AAMP: variants seen among roughly 807,000 people sequenced by gnomAD.
AAMP encodes the protein angio associated migratory cell protein, also known as angio-associated migratory cell protein.
Under a neutral mutation model 51.1 loss-of-function variants are expected in AAMP, and 12 were observed. The observed-to-expected ratio is 0.23, with a 90% CI of 0.15 to 0.38. AAMP has a LOEUF of 0.38. AAMP is among the 10% of genes least tolerant of loss of function. AAMP has a pLI of 1.00. For synonymous variants in AAMP, 210 were observed against 218.7 expected (o/e 0.96, Z 0.35); for missense variants, 418 against 557.2 (o/e 0.75, Z 2.52).
At chr2:218,269,836 GGGGGAGGA>G in intron 1 of AAMP, 122 bp downstream of exon 1, 1 of 1,404,646 alleles carries the variant, frequency 7.1e-7, no homozygotes, top group Non-Finnish European at 9.8e-7. Context: ...GGGTGGGAGT[GGGGGAGGA>G]GGGGAAGAGG....
Position 218,266,509 on chromosome 2 carries a change from T to C in AAMP, c.613A>G (p.Asn205Asp). 2 of 1,613,952 alleles carry C rather than the reference T, an allele frequency of 1.2e-6. No individual in the cohort carries two copies. Among genetic ancestry groups the C allele is most frequent in the Non-Finnish European group, 1.7e-6 (2 of 1,179,984 alleles). The change falls in exon 5 of 11, where the codon AAT becomes GAT. Residue 205 changes from asparagine (N) to aspartate (D), a missense_variant. Coordinates refer to ENST00000248450, the MANE Select transcript of AAMP (RefSeq NM_001087.5). This position sits in a 1 kb window ranked among gnomAD's most constrained non-coding sequence, Gnocchi z 4.7. Reference sequence around the variant, plus strand: ...CCCTGGAAGGTCTTGCAGTCACCATTCGGGACTTTCCACATCCAGGTGTTG... The same window carrying C: ...CCCTGGAAGGTCTTGCAGTCACCATCCGGGACTTTCCACATCCAGGTGTTG... The part of the protein sequence containing the change: ...DGNTWMWKVP[N>D]GDCKTFQGPN...
rs528188094 is a variant in AAMP, at chr2:218,264,163, C to T, written c.*370G>A. 24 of 342,684 alleles carry T rather than the reference C, an allele frequency of 7.0e-5. No individual in the cohort carries two copies. Among genetic ancestry groups the T allele is most frequent in the African/African-American group, 4.7e-4 (23 of 48,674 alleles). The allele number at this position is 342,684 out of a possible 1,614,324, so 21.2% of individuals were successfully genotyped here. A position where few individuals can be genotyped will look rare whatever the true frequency, so the allele number is the denominator to read the frequency against. On this transcript the variant is annotated 3_prime_UTR_variant, in exon 11 of 11. Transcript: ENST00000248450. Reference sequence around the variant, plus strand: ...TATATTTTATTTACATTTTTAAAATCTTTAACTAGTATCTCTTCCTCCTTT... The same window carrying T: ...TATATTTTATTTACATTTTTAAAATTTTTAACTAGTATCTCTTCCTCCTTT...
intron 10 of AAMP, 106 bp downstream of exon 10, chr2:218,264,914 C>T: frequency 1.3e-6 from 2 of 1,544,424 alleles, no homozygotes; most frequent in Non-Finnish European, 1.8e-6. Flanking sequence ...TCTCTGCATT[C>T]CTGCCTTAGG....
In AAMP at chr2:218,266,664, A is replaced by G; in HGVS notation, c.535-77T>C. The G allele has an allele frequency of 6.4e-7, 1 of 1,566,158 alleles. No homozygotes were observed. The highest frequency in any genetic ancestry group is 8.7e-7 in the Non-Finnish European group (1 of 1,152,612). ...GAAGCCTGCCCCATGAGCTCCACCC[A>G]AGGTTTCCTGCCTCTGGGGTTCCGC... On this transcript the variant is annotated intron_variant, in intron 4 of 10. Transcript: ENST00000248450. The surrounding 1 kb of genome is among the most constrained non-coding windows in gnomAD (Gnocchi z 4.7).
At position 218,267,767 on chromosome 2, in the gene AAMP, T is replaced by C. The variant is rs1024959619; in HGVS notation, c.275-154A>G. ...TCCAAGTTCTTCTAAGTTTCAAGAA[T>C]TGGGTTGTTAGATCCTTCCCATATT... is the stretch of plus-strand genomic sequence containing the variant. On this transcript the variant is annotated intron_variant, in intron 2 of 10. Coordinates refer to ENST00000248450, the MANE Select transcript of AAMP (RefSeq NM_001087.5). The surrounding 1 kb of genome is among the most constrained non-coding windows in gnomAD (Gnocchi z 4.6). 3.9e-5 allele frequency among the ~76,000 whole-genome samples: 6 copies of C among 152,134 alleles called. No individual in the cohort carries two copies. Among genetic ancestry groups the C allele is most frequent in the African/African-American group, 1.2e-4 (5 of 41,432 alleles).
Position 218,266,629 on chromosome 2 carries a change from A to C in AAMP, c.535-42T>G. The C allele has an allele frequency of 6.3e-7, 1 of 1,590,530 alleles. No individual in the cohort carries two copies. Among genetic ancestry groups the C allele is most frequent in the Admixed American group, 1.7e-5 (1 of 58,758 alleles). ...GGGCAGCAGGGAGGCCCGTCACCCC[A>C]TCCCACCTAGAAGCCTGCCCCATGA... On this transcript the variant is annotated intron_variant, in intron 4 of 10. Transcript: ENST00000248450. The surrounding 1 kb of genome is among the most constrained non-coding windows in gnomAD (Gnocchi z 4.7).
At chr2:218,268,123 C>G (rs1034310644) in intron 2 of AAMP, among the ~76,000 whole-genome samples, 2 of 151,804 alleles carry the variant, frequency 1.3e-5, no homozygotes, top group Non-Finnish European at 2.9e-5. Flanking sequence ...CGCCCGCCAC[C>G]ACAACCAGCT....
chr2:218,269,615 G>T lies in AAMP; in HGVS notation c.122-81C>A, dbSNP rs756389193. 4 of 1,607,562 alleles carry T rather than the reference G, an allele frequency of 2.5e-6. No homozygotes were observed. The South Asian group carries it at 4.4e-5, about 18-fold the overall frequency. On this transcript the variant is annotated intron_variant, in intron 1 of 10. Transcript: ENST00000248450. ...GAGAAGCATGAGGAGGCCTGAGGCT[G>T]GGGCGGGTCATGTGGCGAGAAGGGA...
Position 218,270,117 on chromosome 2 carries a change from G to C in AAMP, c.-31C>G. On this transcript the variant is annotated 5_prime_UTR_variant, in exon 1 of 11. Transcript: ENST00000248450. ...GCAAGCGGCGGATCCACTTCTCTGG[G>C]CCCAAACGCCTCCCAGAGTCAGCTC... is the stretch of plus-strand genomic sequence containing the variant. 3 of 1,611,214 alleles carry C rather than the reference G, an allele frequency of 1.9e-6. No individual in the cohort carries two copies. Among genetic ancestry groups the C allele is most frequent in the Non-Finnish European group, 2.5e-6 (3 of 1,178,554 alleles).
Position 218,267,100 on chromosome 2 carries a change from C to A in AAMP, c.395-114G>T, listed in dbSNP as rs549698349. On this transcript the variant is annotated intron_variant, in intron 3 of 10. Coordinates refer to ENST00000248450, the MANE Select transcript of AAMP (RefSeq NM_001087.5). This position sits in a 1 kb window ranked among gnomAD's most constrained non-coding sequence, Gnocchi z 4.6. The stretch of plus-strand genomic sequence containing the variant: ...GGACCAGCTAGGAAAAAAAGAGGGG[C>A]GGGACTGAGCAGAACAGGTGCTGGA... The A allele has an allele frequency of 7.9e-5, 98 of 1,247,590 alleles. 3 individuals are homozygous for A. The East Asian group carries it at 1.3e-3, about 16-fold the overall frequency. 77.3% of individuals were successfully genotyped at this position (1,247,590 alleles called of 1,614,324 possible). A position where few individuals can be genotyped will look rare whatever the true frequency, so the allele number is the denominator to read the frequency against.
chr2:218,266,822 C>G lies in AAMP; in HGVS notation c.534+25G>C, dbSNP rs760120898. On this transcript the variant is annotated intron_variant, in intron 4 of 10. Transcript: ENST00000248450. The surrounding 1 kb of genome is among the most constrained non-coding windows in gnomAD (Gnocchi z 4.7). ...CCCAACAACCCAAGGCCCCACAGAG[C>G]TGACTCCCGCTCTGATGATCTTACC... 6.2e-7 allele frequency: 1 copy of G among 1,613,256 alleles called. No individual in the cohort carries two copies. The highest frequency in any genetic ancestry group is 1.1e-5 in the South Asian group (1 of 91,044).
rs769283285 is a variant in AAMP, at chr2:218,267,135, C to T, written c.395-149G>A. 84 of 915,548 alleles carry T rather than the reference C, an allele frequency of 9.2e-5. No homozygotes were observed. Among genetic ancestry groups the T allele is most frequent in the Non-Finnish European group, 1.3e-4 (82 of 614,618 alleles). 56.7% of individuals were successfully genotyped at this position (915,548 alleles called of 1,614,324 possible). On this transcript the variant is annotated intron_variant, in intron 3 of 10. Coordinates refer to ENST00000248450, the MANE Select transcript of AAMP (RefSeq NM_001087.5). The surrounding 1 kb of genome is among the most constrained non-coding windows in gnomAD (Gnocchi z 4.6). ...CAGAACAGGTGCTGGAACTCACCAC[C>T]ACTCTAGGAACCAATACTCCCATGT...
Position 218,266,414 on chromosome 2 carries a change from G to C in AAMP, c.679+29C>G, listed in dbSNP as rs1335353335. On this transcript the variant is annotated intron_variant, in intron 5 of 10. Transcript: ENST00000248450. The surrounding 1 kb of genome is among the most constrained non-coding windows in gnomAD (Gnocchi z 4.7). ...CCCGGGATTCGGCCTCTGCACCCAG[G>C]AAAGGTCACTCAAGGGAGGTGCTCT... is the stretch of plus-strand genomic sequence containing the variant. 3 of 1,607,748 alleles carry C rather than the reference G, an allele frequency of 1.9e-6. No homozygotes were observed. The highest frequency in any genetic ancestry group is 1.3e-5 in the African/African-American group (1 of 74,786).
At chr2:218,268,257 G>A (rs1690682270) in intron 2 of AAMP, among the ~76,000 whole-genome samples, 4 of 151,938 alleles carry the variant, frequency 2.6e-5, no homozygotes, top group Non-Finnish European at 4.4e-5. Context: ...ATGAGCCACC[G>A]TGCCTGGCAA....
Position 218,265,079 on chromosome 2 carries a change from G to GC in AAMP, c.1169dup (p.Arg391ProfsTer5). On this transcript the variant is annotated frameshift_variant, in exon 10 of 11. Coordinates refer to ENST00000248450, the MANE Select transcript of AAMP (RefSeq NM_001087.5). LOFTEE classifies it high-confidence loss of function. The surrounding 1 kb of genome is among the most constrained non-coding windows in gnomAD (Gnocchi z 6.6). ...GGCCCCGGTAGTCAGTAAGCAGGCGGCCGGTCCGGGCGTCCCAGAGGCGCA... is the reference window on the plus strand; with the variant it reads ...GGCCCCGGTAGTCAGTAAGCAGGCGGCCCGGTCCGGGCGTCCCAGAGGCGCA... 6.2e-7 allele frequency: 1 copy of GC among 1,613,716 alleles called. No individual in the cohort carries two copies. The highest frequency in any genetic ancestry group is 8.5e-7 in the Non-Finnish European group (1 of 1,179,978).
chr2:218,266,563 G>T lies in AAMP; in HGVS notation c.559C>A (p.Pro187Thr). Residue 187 changes from proline to threonine, a missense_variant, in exon 5 of 11, where the codon CCT becomes ACT. By Grantham distance (38) the Pro-to-Thr change is conservative. Transcript: ENST00000248450. The surrounding 1 kb of genome is among the most constrained non-coding windows in gnomAD (Gnocchi z 4.7). ...LEWMEWHPRAPVLLAGTADGN... is the reference protein window; with the variant it reads ...LEWMEWHPRATVLLAGTADGN... ...TCAGCTGTGCCCGCCAACAGGACAG[G>T]TGCCCGAGGATGCCACTCCATCCAC... The T allele has an allele frequency of 1.9e-6, 3 of 1,613,580 alleles. No homozygotes were observed. Among genetic ancestry groups the T allele is most frequent in the Non-Finnish European group, 2.5e-6 (3 of 1,179,854 alleles).
chr2:218,264,485 G>A lies in AAMP; in HGVS notation c.*48C>T. 1 of 1,566,608 alleles carries A rather than the reference G, an allele frequency of 6.4e-7. No homozygotes were observed. The highest frequency in any genetic ancestry group is 2.2e-5 in the East Asian group (1 of 44,598). ...CCTCTGCTGGCAGACAGGGGCAGGG[G>A]TCCCTTCGTCCCCTCAACACCAGAC... On this transcript the variant is annotated 3_prime_UTR_variant, in exon 11 of 11. Transcript: ENST00000248450.
rs1190133457 is a variant in AAMP at position 218,269,549 on chromosome 2, G to C, written c.122-15C>G. ...GGCCAGGTCATCTGCTTTGGGGAGAGGGTTAGAAGATGGGGCTCGGGAGGC... is the reference window on the plus strand; with the variant it reads ...GGCCAGGTCATCTGCTTTGGGGAGACGGTTAGAAGATGGGGCTCGGGAGGC... On this transcript the variant is annotated splice_polypyrimidine_tract_variant and intron_variant, in intron 1 of 10. Transcript: ENST00000248450. 2 of 1,614,156 alleles carry C rather than the reference G, an allele frequency of 1.2e-6. No individual in the cohort carries two copies. The highest frequency in any genetic ancestry group is 8.5e-7 in the Non-Finnish European group (1 of 1,180,042).
At position 218,267,312 on chromosome 2, in the gene AAMP, G is replaced by T; in HGVS notation, c.394+182C>A. 1.1e-6 allele frequency: 1 copy of T among 922,754 alleles called. No individual in the cohort carries two copies. The highest frequency in any genetic ancestry group is 1.6e-6 in the Non-Finnish European group (1 of 611,188). 57.2% of individuals were successfully genotyped at this position (922,754 alleles called of 1,614,324 possible). The stretch of plus-strand genomic sequence containing the variant: ...TCCTGGATTCCCTTGGCCAATTAGT[G>T]CCTCCTGCCTCTGTGCCCAAAACAC... On this transcript the variant is annotated intron_variant, in intron 3 of 10. Transcript: ENST00000248450. This position sits in a 1 kb window ranked among gnomAD's most constrained non-coding sequence, Gnocchi z 4.6.
Sources: gnomAD v4.1 joint callset for allele counts (sites outside exome capture counted in the v4.1 genomes callset) on GRCh38, gnomAD v4.1.1 for gene constraint, Gnocchi (gnomAD v3.1) non-coding constraint, MANE v1.5 for transcripts, NCBI Gene and HGNC (gene_info 2026-07-23, HGNC 2026-07-21) for gene names.